Variants in ROBO1 observed in about 807,000 individuals in gnomAD.
ROBO1 encodes the protein roundabout homolog 1.
ROBO1 carries 149 observed loss-of-function variants against 195.9 expected under a neutral mutation model. That is an observed-to-expected ratio of 0.76 (90% CI 0.67 to 0.87). The LOEUF is 0.87. ROBO1 is among the 40% of genes least tolerant of loss of function. The probability of loss-of-function intolerance (pLI) is 0.00; values close to 1 mark genes in which losing one functional copy is unlikely to be tolerated. For synonymous variants in ROBO1, 816 were observed against 733.2 expected, an observed-to-expected ratio of 1.11 and a Z score of -1.82; for missense variants, 1,933 against 2,068.3, an observed-to-expected ratio of 0.93 and a Z score of 1.27.
At chr3:79,459,421 T>C (rs1161598606) in intron 2 of ROBO1, among the ~76,000 whole-genome samples, 1 of 151,958 alleles carries the variant, frequency 6.6e-6, no homozygotes, top group Admixed American at 6.5e-5. Flanking sequence ...ACCACAGGCA[T>C]TGTCAACAGA....
intron 3 of ROBO1, among the ~76,000 whole-genome samples, chr3:79,012,238 T>A: frequency 6.6e-6 from 1 of 152,202 alleles, no homozygotes; most frequent in East Asian, 1.9e-4. Context: ...CAAAACCGAC[T>A]ATTTCCTATA....
chr3:79,348,428 G>A (rs1347834851), intron 2 of ROBO1, among the ~76,000 whole-genome samples: 1 of 152,024 alleles, frequency 6.6e-6, no homozygotes, highest in Non-Finnish European at 1.5e-5. Context: ...TTATCTTACG[G>A]CTACACGCAA....
intron 3 of ROBO1, among the ~76,000 whole-genome samples, chr3:78,969,909 G>C (rs560486131): frequency 6.6e-6 from 1 of 151,972 alleles, no homozygotes; most frequent in Non-Finnish European, 1.5e-5. Context: ...AGTGAGTTAC[G>C]ACTGAAACAT....
chr3:79,460,076 G>C (rs528092670), intron 2 of ROBO1, among the ~76,000 whole-genome samples: 2 of 152,232 alleles, frequency 1.3e-5, no homozygotes, highest in Admixed American at 6.5e-5. Flanking sequence ...CTATCATCAA[G>C]ACATCAGTTC....
chr3:79,548,215 G>T (rs569907193), intron 2 of ROBO1, among the ~76,000 whole-genome samples: 1 of 152,296 alleles, frequency 6.6e-6, no homozygotes, highest in Admixed American at 6.5e-5. Flanking sequence ...GACCCTCGCT[G>T]TGCAAGTTCA....
intron 2 of ROBO1, among the ~76,000 whole-genome samples, chr3:79,401,239 G>A (rs2037355517): frequency 6.6e-6 from 1 of 151,786 alleles, no homozygotes; most frequent in African/African-American, 2.4e-5. Flanking sequence ...TATCTGTCCA[G>A]TCATTCATTA....
At chr3:79,622,506 A>G (rs540695199) in intron 1 of ROBO1, among the ~76,000 whole-genome samples, 1 of 152,328 alleles carries the variant, frequency 6.6e-6, no homozygotes, top group South Asian at 2.1e-4. Context: ...GGAGCCAGGA[A>G]GGCTGGATGG....
intron 4 of ROBO1, among the ~76,000 whole-genome samples, chr3:78,883,659 T>G (rs2036319843): frequency 6.6e-6 from 1 of 152,178 alleles, no homozygotes; most frequent in South Asian, 2.1e-4. Flanking sequence ...AGTGCCCTGC[T>G]AAACATATGA....
In ROBO1 at chr3:78,976,126, T is replaced by G. The variant is rs549521495; in HGVS notation, c.173-37199A>C. Among the ~76,000 whole-genome samples, 12 of 152,270 alleles carry G rather than the reference T, an allele frequency of 7.9e-5. No homozygotes were observed. In the South Asian group the frequency reaches 2.3e-3, roughly 29 times the overall value. On this transcript the variant is annotated intron_variant, in intron 3 of 30. Coordinates refer to ENST00000464233, the MANE Select transcript of ROBO1 (RefSeq NM_002941.4). ...TAAGTGCTAAGCAAAACAGACTCAG[T>G]GCAATACACATGTTAGAACTGCTCC...
intron 4 of ROBO1, among the ~76,000 whole-genome samples, chr3:78,912,817 A>T (rs1471386012): frequency 6.6e-6 from 1 of 152,148 alleles, no homozygotes; most frequent in Admixed American, 6.6e-5. Context: ...ATCTGTGAGT[A>T]AACATCAGAT....
chr3:79,275,584 C>A (rs968962712), intron 2 of ROBO1, among the ~76,000 whole-genome samples: 8 of 151,832 alleles, frequency 5.3e-5, no homozygotes, highest in Non-Finnish European at 8.8e-5. Context: ...ACAAGGATGC[C>A]CACTTTCACC....
intron 1 of ROBO1, among the ~76,000 whole-genome samples, chr3:79,738,512 C>A (rs1167233134): frequency 6.6e-6 from 1 of 151,956 alleles, no homozygotes; most frequent in Non-Finnish European, 1.5e-5. Context: ...AATAAAAAGT[C>A]TGTAGGTGCA....
chr3:78,958,074 T>A (rs1375435621), intron 3 of ROBO1, among the ~76,000 whole-genome samples: 1 of 152,222 alleles, frequency 6.6e-6, no homozygotes, highest in East Asian at 1.9e-4. Flanking sequence ...TTGTCATTAA[T>A]GTTAGGACAA....
intron 2 of ROBO1, among the ~76,000 whole-genome samples, chr3:79,307,126 T>G (rs566380765): frequency 6.6e-6 from 1 of 152,256 alleles, no homozygotes; most frequent in African/African-American, 2.4e-5. Context: ...AAGTCATTCC[T>G]CAGCCTCCTC....
intron 2 of ROBO1, among the ~76,000 whole-genome samples, chr3:79,282,724 G>A (rs2031604945): frequency 6.6e-6 from 1 of 152,144 alleles, no homozygotes. Context: ...CAGAGGATAT[G>A]GCTGGCAGGA....
intron 24 of ROBO1, among the ~76,000 whole-genome samples, chr3:78,632,619 C>T (rs1028596354): frequency 1.3e-5 from 2 of 152,100 alleles, no homozygotes; most frequent in Admixed American, 6.6e-5. Flanking sequence ...ATTACCATCA[C>T]GCATCTTTAC....
intron 2 of ROBO1, among the ~76,000 whole-genome samples, chr3:79,504,118 A>G (rs1940266507): frequency 6.6e-6 from 1 of 152,204 alleles, no homozygotes; most frequent in African/African-American, 2.4e-5. Context: ...ATAACATTTT[A>G]AAATCTAAGT....
chr3:79,249,082 T>C (rs1285734977), intron 2 of ROBO1, among the ~76,000 whole-genome samples: 1 of 152,168 alleles, frequency 6.6e-6, no homozygotes, highest in East Asian at 1.9e-4. Flanking sequence ...AGAACCTCAT[T>C]TTGTTGCAGT....
At chr3:78,828,923 G>GA (rs879363361) in intron 4 of ROBO1, among the ~76,000 whole-genome samples, 5 of 152,012 alleles carry the variant, frequency 3.3e-5, no homozygotes, top group South Asian at 2.1e-4. Context: ...GCTAACTATA[G>GA]AAAAAAAACT....
Sources: gnomAD v4.1 joint callset for allele counts (sites outside exome capture counted in the v4.1 genomes callset) on GRCh38, gnomAD v4.1.1 for gene constraint, MANE v1.5 for transcripts, NCBI Gene and HGNC (gene_info 2026-07-23, HGNC 2026-07-21) for gene names.